Variants in RAP2C observed in about 807,000 individuals in gnomAD.
The protein encoded by RAP2C is RAP2C, member of RAS oncogene family.
In RAP2C, 3 loss-of-function variants were observed where a neutral mutation model predicts 8.9. The observed-to-expected ratio is 0.34, with a 90% CI of 0.15 to 0.87. The LOEUF (loss-of-function observed/expected upper bound fraction) is 0.87. RAP2C is among the 40% of genes least tolerant of loss of function. The pLI is 0.51. For missense variants in RAP2C, 76 were observed against 133.7 expected, an observed-to-expected ratio of 0.57 and a Z score of 2.13; for synonymous variants, 60 against 52.1, an observed-to-expected ratio of 1.15 and a Z score of -0.65.
At position 132,217,299 on chromosome X, in the gene RAP2C, G is replaced by T. The variant is rs375982144; in HGVS notation, c.-31C>A. 3.2e-5 allele frequency: 34 copies of T among 1,058,272 alleles called. No individual in the cohort carries two copies. The highest frequency in any genetic ancestry group is 2.3e-4 in the African/African-American group (12 of 51,721). The allele number at this position is 1,058,272 out of a possible 1,213,427, so 87.2% of individuals were successfully genotyped here. ...TCACCTTCACCAACTCCTACCAGAG[G>T]GGGGGAAAGATCACCCCGCTAGCTG... On this transcript the variant is annotated 5_prime_UTR_variant, in exon 4 of 6. Transcript: ENST00000370874.
chrX:132,204,352 G>T lies in RAP2C; in HGVS notation c.*1270C>A, dbSNP rs908732679. The T allele has an allele frequency of 1.8e-5, 2 of 112,356 alleles. No homozygotes were observed. Among genetic ancestry groups the T allele is most frequent in the Non-Finnish European group, 3.8e-5 (2 of 53,151 alleles). 9.3% of individuals were successfully genotyped at this position (112,356 alleles called of 1,213,427 possible). A position where few individuals can be genotyped will look rare whatever the true frequency, so the allele number is the denominator to read the frequency against. On this transcript the variant is annotated 3_prime_UTR_variant, in exon 6 of 6. Transcript: ENST00000370874. Reference sequence around the variant, plus strand: ...TAAAACTGAACCAAAATATTACTCTGCATAAGTTTCCTTTCTGATTCTACA... The same window carrying T: ...TAAAACTGAACCAAAATATTACTCTTCATAAGTTTCCTTTCTGATTCTACA...
At chrX:132,206,917 G>A (rs765238573) in intron 5 of RAP2C, among the ~76,000 whole-genome samples, 1 of 111,618 alleles carries the variant, frequency 9.0e-6, no homozygotes, top group East Asian at 2.8e-4. Flanking sequence ...GGCAAGTCCG[G>A]TTTCCTCATC....
chrX:132,214,526 A>G, intron 4 of RAP2C, 80 bp from the exon 5 acceptor site: 1 of 1,102,802 alleles, frequency 9.1e-7, no homozygotes, highest in Non-Finnish European at 1.2e-6. Context: ...GTATTACAAA[A>G]AGTCATACCT....
At position 132,217,005 on chromosome X, in the gene RAP2C, C is replaced by T. The variant is rs1449899381; in HGVS notation, c.264G>A (p.Gln88=). 2 of 1,129,098 alleles carry T rather than the reference C, an allele frequency of 1.8e-6. No homozygotes were observed. The highest frequency in any genetic ancestry group is 2.3e-6 in the Non-Finnish European group (2 of 855,450). 93.1% of individuals were successfully genotyped at this position (1,129,098 alleles called of 1,213,427 possible). The change falls in exon 4 of 6, where the codon CAG becomes CAA. Residue 88 remains glutamine, a synonymous_variant. Coordinates refer to ENST00000370874, the MANE Select transcript of RAP2C (RefSeq NM_001271186.2). The part of the protein sequence containing the change: ...FILVYSLVNQ[Q]SFQDIKPMRD... Reference sequence around the variant, plus strand: ...GACTTGGTTTGGTTACCTGAAAAGACTGTTGATTAACCAGGCTATAAACCA... The same window carrying T: ...GACTTGGTTTGGTTACCTGAAAAGATTGTTGATTAACCAGGCTATAAACCA...
chrX:132,216,609 C>G (rs1329359777), intron 4 of RAP2C, among the ~76,000 whole-genome samples: 1 of 110,590 alleles, frequency 9.0e-6, no homozygotes, highest in Non-Finnish European at 1.9e-5. Flanking sequence ...AACAGATAAT[C>G]GGCTCCAAAT....
At chrX:132,205,798 C>T (rs1930257082) in intron 5 of RAP2C, among the ~76,000 whole-genome samples, 1 of 108,448 alleles carries the variant, frequency 9.2e-6, no homozygotes. Flanking sequence ...TTTGTGTGTG[C>T]GTGTGTGTGC....
intron 5 of RAP2C, among the ~76,000 whole-genome samples, chrX:132,208,290 T>C (rs983895890): frequency 1.8e-5 from 2 of 111,737 alleles, no homozygotes; most frequent in African/African-American, 6.5e-5. Context: ...ACTTACCTTA[T>C]CTAAATACAA....
At chrX:132,211,487 G>A (rs1930428858) in intron 5 of RAP2C, among the ~76,000 whole-genome samples, 2 of 111,326 alleles carry the variant, frequency 1.8e-5, no homozygotes. Flanking sequence ...TTGATCATAC[G>A]CTCCTCAGAT....
intron 5 of RAP2C, among the ~76,000 whole-genome samples, chrX:132,209,442 G>A (rs914253251): frequency 8.9e-6 from 1 of 112,123 alleles, no homozygotes; most frequent in Non-Finnish European, 1.9e-5. Context: ...TTCTGAATTT[G>A]ATGTTTCTAA....
chrX:132,210,289 A>T (rs1293625309), intron 5 of RAP2C, among the ~76,000 whole-genome samples: 2 of 111,943 alleles, frequency 1.8e-5, no homozygotes, highest in Non-Finnish European at 3.8e-5. Context: ...ATACCATAAA[A>T]ATTAAAAACT....
intron 5 of RAP2C, among the ~76,000 whole-genome samples, chrX:132,207,053 T>C (rs911416192): frequency 2.7e-5 from 3 of 112,085 alleles, no homozygotes; most frequent in Non-Finnish European, 5.6e-5. Context: ...AGGAGCTTTA[T>C]ATTTTTTAGC....
In RAP2C at chrX:132,218,796, G is replaced by C. The variant is rs1930758425; in HGVS notation, c.-745-455C>G. 3 of 112,066 alleles carry C rather than the reference G, an allele frequency of 2.7e-5. No individual in the cohort carries two copies. The South Asian group carries it at 1.1e-3, about 41-fold the overall frequency. The allele number at this position is 112,066 out of a possible 1,213,427, so 9.2% of individuals were successfully genotyped here. ...AGTAGACTTTATGGTACTCTGCTCA[G>C]CTATGTTCTCATTTGATTCCAACCA... On this transcript the variant is annotated intron_variant, in intron 1 of 5. Coordinates refer to ENST00000370874, the MANE Select transcript of RAP2C (RefSeq NM_001271186.2).
chrX:132,216,920 C>G (rs1212732898), intron 4 of RAP2C, 76 bp downstream of exon 4: 1 of 998,208 alleles, frequency 1.0e-6, no homozygotes, highest in Admixed American at 3.7e-5. Context: ...CATTAATGCA[C>G]GGTTCAAGCA....
intron 5 of RAP2C, among the ~76,000 whole-genome samples, chrX:132,207,641 G>C (rs1292375874): frequency 8.9e-6 from 1 of 111,960 alleles, no homozygotes; most frequent in African/African-American, 3.2e-5. Context: ...TAAAATGCTT[G>C]CATTAAACAA....
intron 5 of RAP2C, among the ~76,000 whole-genome samples, chrX:132,213,064 T>C (rs751162928): frequency 1.8e-5 from 2 of 111,668 alleles, no homozygotes; most frequent in Non-Finnish European, 3.8e-5. Flanking sequence ...AGCCAGACCC[T>C]TGATTAGGAA....
intron 5 of RAP2C, among the ~76,000 whole-genome samples, chrX:132,208,738 G>C: frequency 9.0e-6 from 1 of 110,913 alleles, no homozygotes; most frequent in Middle Eastern, 4.7e-3. Flanking sequence ...GTGGCTTACT[G>C]CAACCTGGAA....
chrX:132,211,028 T>G (rs1220517745), intron 5 of RAP2C, among the ~76,000 whole-genome samples: 1 of 110,380 alleles, frequency 9.1e-6, no homozygotes, highest in Non-Finnish European at 1.9e-5. Context: ...TATCTCTAAC[T>G]CGGTGGCGCT....
In RAP2C at chrX:132,218,228, C is replaced by T. The variant is rs1309454308; in HGVS notation, c.-636+4G>A. 1 of 107,292 alleles carries T rather than the reference C, an allele frequency of 9.3e-6. No individual in the cohort carries two copies. The highest frequency in any genetic ancestry group is 3.4e-5 in the African/African-American group (1 of 29,425). 8.8% of individuals were successfully genotyped at this position (107,292 alleles called of 1,213,427 possible). ...GGGATCACTTCCGGTGGGGAAAGTC[C>T]CACCTCTTCGGGGCGAGCCGGGTGG... is the stretch of plus-strand genomic sequence containing the variant. On this transcript the variant is annotated splice_donor_region_variant and intron_variant, in intron 2 of 5. Transcript: ENST00000370874.
In RAP2C at chrX:132,214,432, C is replaced by T; in HGVS notation, c.288G>A (p.Met96Ile). The T allele has an allele frequency of 8.3e-7, 1 of 1,208,772 alleles. No homozygotes were observed. The highest frequency in any genetic ancestry group is 1.1e-6 in the Non-Finnish European group (1 of 893,736). Residue 96 changes from methionine (M) to isoleucine (I), a missense_variant, in exon 5 of 6, where the codon ATG (methionine) becomes ATA (isoleucine). Physicochemically the swap from Met to Ile is conservative, Grantham distance 10. Coordinates refer to ENST00000370874, the MANE Select transcript of RAP2C (RefSeq NM_001271186.2). Reference protein sequence around the residue: ...NQQSFQDIKPMRDQIVRVKRY... With the variant: ...NQQSFQDIKPIRDQIVRVKRY... ...TCTTCACTCTGACAATTTGATCTCTCATTGGCTTGATATCCTATTCAAGCA... is the reference window on the plus strand; with the variant it reads ...TCTTCACTCTGACAATTTGATCTCTTATTGGCTTGATATCCTATTCAAGCA...
Sources: gnomAD v4.1 joint callset for allele counts (sites outside exome capture counted in the v4.1 genomes callset) on GRCh38, gnomAD v4.1.1 for gene constraint, MANE v1.5 for transcripts, NCBI Gene and HGNC (gene_info 2026-07-23, HGNC 2026-07-21) for gene names.